NRP2: variants seen among roughly 807,000 people sequenced by gnomAD.
The protein encoded by NRP2 is neuropilin 2.
NRP2 carries 52 observed loss-of-function variants against 110.4 expected under a neutral mutation model. That is an observed-to-expected ratio of 0.47 (90% CI 0.38 to 0.59). The LOEUF (loss-of-function observed/expected upper bound fraction) is 0.59. NRP2 is among the 20% of genes least tolerant of loss of function. The probability of loss-of-function intolerance (pLI) is 0.00; values close to 1 mark genes in which losing one functional copy is unlikely to be tolerated. For missense variants in NRP2, 1,049 were observed against 1,203.0 expected (o/e 0.87, Z 1.89); for synonymous variants, 508 against 468.9 (o/e 1.08, Z -1.08).
chr2:205,700,601 C>T, intron 2 of NRP2: 3 of 430,368 alleles, frequency 7.0e-6, no homozygotes, highest in Non-Finnish European at 1.4e-5. Flanking sequence ...CCCTTGGCTC[C>T]CTGTATACCT....
At chr2:205,771,283 G>A (rs570598955) in intron 15 of NRP2, among the ~76,000 whole-genome samples, 1 of 152,320 alleles carries the variant, frequency 6.6e-6, no homozygotes, top group East Asian at 1.9e-4. Context: ...CTTTGTGCTT[G>A]TGCGTCTTTT....
intron 12 of NRP2, 26 bp downstream of exon 12, chr2:205,753,001 G>A (rs2057674938): frequency 6.2e-7 from 1 of 1,612,232 alleles, no homozygotes; most frequent in Non-Finnish European, 8.5e-7. Context: ...GTGAAGATAT[G>A]AAAGAGTTAA....
At chr2:205,751,761 G>A (rs1409543585) in intron 11 of NRP2, among the ~76,000 whole-genome samples, 3 of 152,152 alleles carry the variant, frequency 2.0e-5, no homozygotes, top group Admixed American at 2.0e-4. Flanking sequence ...TGCATTCTAA[G>A]CCTTCCCCAG....
chr2:205,687,100 G>C (rs1300313688), intron 1 of NRP2, among the ~76,000 whole-genome samples: 1 of 152,056 alleles, frequency 6.6e-6, no homozygotes, highest in Non-Finnish European at 1.5e-5. Context: ...GGAGAGCTTT[G>C]ATCTATGCTT....
At chr2:205,729,524 A>G (rs904967484) in intron 7 of NRP2, among the ~76,000 whole-genome samples, 5 of 152,154 alleles carry the variant, frequency 3.3e-5, no homozygotes, top group African/African-American at 1.2e-4. Context: ...AAGCTCAGCT[A>G]GCAGACGAGG....
intron 15 of NRP2, chr2:205,779,124 T>C (rs1459882717): frequency 6.6e-6 from 1 of 152,230 alleles, no homozygotes; most frequent in African/African-American, 2.4e-5. Flanking sequence ...GACAAAGAGA[T>C]GATAGCAACT....
In NRP2 at chr2:205,789,722, C is replaced by A. The variant is rs185437889; in HGVS notation, c.2426-2513C>A. ...TAGCATCTTACCTGCCACACCTTGC[C>A]TATTCTTTGCTAGAACTACAGGGAC... On this transcript the variant is annotated intron_variant, in intron 15 of 16. Transcript: ENST00000357785. 4.5e-3 allele frequency among the ~76,000 whole-genome samples: 684 copies of A among 152,282 alleles called. 3 individuals carry two copies. The highest frequency in any genetic ancestry group is 8.1e-3 in the Non-Finnish European group (548 of 68,022).
intron 7 of NRP2, among the ~76,000 whole-genome samples, chr2:205,738,390 ACAAAG>A (rs1483439215): frequency 1.3e-5 from 2 of 152,166 alleles, no homozygotes; most frequent in Non-Finnish European, 2.9e-5. Flanking sequence ...CCAAAACAAA[ACAAAG>A]CAAAGCAAAA....
intron 13 of NRP2, chr2:205,764,267 C>A (rs1469015349): frequency 2.9e-6 from 1 of 347,204 alleles, no homozygotes. Flanking sequence ...CCTCCACACA[C>A]AAGGAAAGAG....
At chr2:205,776,379 G>A (rs896285398) in intron 15 of NRP2, 2 of 1,613,284 alleles carry the variant, frequency 1.2e-6, no homozygotes, top group Non-Finnish European at 1.7e-6. Flanking sequence ...TGGCCCTGGT[G>A]CTCCACTACC....
intron 16 of NRP2, among the ~76,000 whole-genome samples, chr2:205,794,268 G>A (rs534935988): frequency 9.9e-5 from 15 of 152,142 alleles, no homozygotes; most frequent in African/African-American, 2.9e-4. Flanking sequence ...CCGCCACCAC[G>A]CCCGGCTAAT....
At chr2:205,743,177 C>T in intron 8 of NRP2, 26 bp from the exon 9 acceptor site, 1 of 1,606,490 alleles carries the variant, frequency 6.2e-7, no homozygotes, top group Admixed American at 1.7e-5. Flanking sequence ...GCCATGACCT[C>T]TTGTATCTTC....
intron 16 of NRP2, among the ~76,000 whole-genome samples, chr2:205,794,140 TCG>T (rs1206011259): frequency 1.3e-5 from 2 of 152,224 alleles, no homozygotes; most frequent in African/African-American, 4.8e-5. Flanking sequence ...AGACGGAGTC[TCG>T]CTCTGTCACC....
intron 15 of NRP2, among the ~76,000 whole-genome samples, chr2:205,774,361 T>C (rs1180419089): frequency 6.6e-6 from 1 of 152,114 alleles, no homozygotes; most frequent in Non-Finnish European, 1.5e-5. Flanking sequence ...CAGAATTAGT[T>C]TGGGGACAAA....
intron 15 of NRP2, chr2:205,776,252 C>A: frequency 6.2e-7 from 1 of 1,612,770 alleles, no homozygotes; most frequent in Non-Finnish European, 8.5e-7. Flanking sequence ...CCAGGGGGCA[C>A]CCTCCTGCCA....
rs2058348208 is a variant in NRP2 at position 205,795,919 on chromosome 2, CCTTTT to C, written c.*868_*872del. 1 of 152,352 alleles carries C rather than the reference CCTTTT, an allele frequency of 6.6e-6. No individual in the cohort carries two copies. Among genetic ancestry groups the C allele is most frequent in the South Asian group, 2.1e-4 (1 of 4,822 alleles). 9.4% of individuals were successfully genotyped at this position (152,352 alleles called of 1,614,324 possible). On this transcript the variant is annotated 3_prime_UTR_variant, in exon 17 of 17. Coordinates refer to ENST00000357785, the MANE Select transcript of NRP2 (RefSeq NM_003872.3). ...TGTGGGGCTTCTGGTGGTGGTTTTG[CCTTTT>C]CTTTTCCCTCCTCCATGTTCTTCTA...
intron 2 of NRP2, among the ~76,000 whole-genome samples, chr2:205,711,146 C>T (rs1186679378): frequency 6.6e-6 from 1 of 152,190 alleles, no homozygotes; most frequent in Non-Finnish European, 1.5e-5. Context: ...AGCACGCATT[C>T]TTCTCAACAT....
Position 205,683,233 on chromosome 2 carries a change from C to A in NRP2, c.-58C>A. ...GAGGAAAATAAAAGAGAGAAAAACA[C>A]AAAGATTTAAACAAGAAACCTACGA... On this transcript the variant is annotated 5_prime_UTR_variant, in exon 1 of 17. Coordinates refer to ENST00000357785, the MANE Select transcript of NRP2 (RefSeq NM_003872.3). 2 of 1,276,702 alleles carry A rather than the reference C, an allele frequency of 1.6e-6. No homozygotes were observed. Among genetic ancestry groups the A allele is most frequent in the Non-Finnish European group, 2.3e-6 (2 of 878,382 alleles). 79.1% of individuals were successfully genotyped at this position (1,276,702 alleles called of 1,614,324 possible). A position where few individuals can be genotyped will look rare whatever the true frequency, so the allele number is the denominator to read the frequency against.
chr2:205,722,739 G>T (rs1364978745), intron 4 of NRP2, 31 bp downstream of exon 4: 2 of 1,579,304 alleles, frequency 1.3e-6, no homozygotes, highest in Non-Finnish European at 1.7e-6. Flanking sequence ...TTCCTCAGTA[G>T]CTTGGCCTTT....
Sources: gnomAD v4.1 joint callset for allele counts (sites outside exome capture counted in the v4.1 genomes callset) on GRCh38, gnomAD v4.1.1 for gene constraint, MANE v1.5 for transcripts, NCBI Gene and HGNC (gene_info 2026-07-23, HGNC 2026-07-21) for gene names.